Variants in GC observed in about 807,000 individuals in gnomAD.
The protein encoded by GC is GC vitamin D binding protein.
Under a neutral mutation model 56.7 loss-of-function variants are expected in GC, and 43 were observed. The observed-to-expected ratio is 0.76, with a 90% CI of 0.59 to 0.98. The LOEUF (loss-of-function observed/expected upper bound fraction) is 0.98, where lower values mean the gene tolerates loss of function less well. GC is among the 50% of genes least tolerant of loss of function. The pLI, the probability that GC is intolerant of heterozygous loss-of-function variation, is 0.00. For missense variants in GC, 529 were observed against 545.9 expected (o/e 0.97, Z 0.31); for synonymous variants, 216 against 202.7 (o/e 1.07, Z -0.56).
At chr4:71,777,645 C>T (rs1163960107) in intron 1 of GC, among the ~76,000 whole-genome samples, 1 of 149,260 alleles carries the variant, frequency 6.7e-6, no homozygotes, top group Non-Finnish European at 1.5e-5. Context: ...CATTTTAAAA[C>T]CAATTATTAC....
intron 12 of GC, among the ~76,000 whole-genome samples, chr4:71,743,089 C>A (rs1204066554): frequency 6.6e-6 from 1 of 152,098 alleles, no homozygotes; most frequent in Non-Finnish European, 1.5e-5. Flanking sequence ...ATCAAGGAGA[C>A]CAATAACTGT....
intron 6 of GC, among the ~76,000 whole-genome samples, chr4:71,762,281 T>C (rs183654124): frequency 1.4e-3 from 209 of 152,352 alleles, no homozygotes; most frequent in African/African-American, 5.0e-3. Flanking sequence ...TGAACTTGCA[T>C]GGGGCCTGTA....
chr4:71,756,096 T>C (rs909539313), intron 8 of GC, among the ~76,000 whole-genome samples: 2 of 79,148 alleles, frequency 2.5e-5, no homozygotes, highest in Non-Finnish European at 6.8e-5. Context: ...AAATGAATAT[T>C]GATAATGCTA....
At chr4:71,746,794 AACTACTTTAATTTG>A (rs1560688458) in intron 11 of GC, among the ~76,000 whole-genome samples, 1 of 151,044 alleles carries the variant, frequency 6.6e-6, no homozygotes, top group Non-Finnish European at 1.5e-5. Context: ...AAAAAAAAAA[AACTACTTTAATTTG>A]GAGGCAATGA....
At chr4:71,803,947 T>A (rs1743305980) in exon 1 of GC, 10 of 1,504,140 alleles carry the variant, frequency 6.6e-6, no homozygotes, top group Non-Finnish European at 8.9e-6. Flanking sequence ...ACCACAGCAT[T>A]TCCTACCAGT....
intron 6 of GC, among the ~76,000 whole-genome samples, chr4:71,759,178 A>G (rs1741884720): frequency 6.6e-6 from 1 of 151,986 alleles, no homozygotes; most frequent in South Asian, 2.1e-4. Context: ...GTCTTCATCC[A>G]TTCATCTGTT....
rs1240297398 is a variant in GC at position 71,775,025 on chromosome 4, C to T, written c.59-5625G>A. ...GTCATTCTTATTCTTCATTTTCTTC[C>T]CCGGCCCTTTTTTTTTTTTTTTTTA... On this transcript the variant is annotated intron_variant, in intron 1 of 12. Transcript: ENST00000273951. Among the ~76,000 whole-genome samples the T allele has an allele frequency of 2.9e-5, 3 of 102,500 alleles. No homozygotes were observed. The East Asian group carries it at 9.2e-4, about 31-fold the overall frequency. The allele number at this position is 102,500 out of a possible 152,430, so 67.2% of individuals were successfully genotyped here.
At chr4:71,773,792 T>G (rs1229333025) in intron 1 of GC, among the ~76,000 whole-genome samples, 1 of 152,060 alleles carries the variant, frequency 6.6e-6, no homozygotes, top group Non-Finnish European at 1.5e-5. Context: ...ATCATGGGCT[T>G]TAACAGCTCT....
chr4:71,791,059 A>G (rs536080812), intron 1 of GC, among the ~76,000 whole-genome samples: 54 of 152,200 alleles, frequency 3.5e-4, no homozygotes, highest in African/African-American at 1.3e-3. Context: ...ATCACTGGCC[A>G]TCAGAGAAAT....
Position 71,765,540 on chromosome 4 carries a change from C to CA in GC, c.364dup (p.Cys122LeufsTer21). The CA allele has an allele frequency of 6.2e-7, 1 of 1,613,734 alleles. No homozygotes were observed. Among genetic ancestry groups the CA allele is most frequent in the Non-Finnish European group, 8.5e-7 (1 of 1,179,762 alleles). On this transcript the variant is annotated frameshift_variant, in exon 4 of 13. Coordinates refer to ENST00000273951, the MANE Select transcript of GC (RefSeq NM_000583.4). LOFTEE classifies it high-confidence loss of function. ...TGGCTGGTGTTTCAGAGCAGCCATG[C>CA]AGAGCTTTCGTTCCAGGCCCTCTTT...
intron 1 of GC, among the ~76,000 whole-genome samples, chr4:71,789,666 G>T (rs566424691): frequency 2.2e-4 from 34 of 152,010 alleles, no homozygotes; most frequent in African/African-American, 8.2e-4. Flanking sequence ...CCTAATCCCT[G>T]CAACCTGTAA....
chr4:71,746,216 A>T lies in GC; in HGVS notation c.1396-11T>A, dbSNP rs1412160964. 8.2e-7 allele frequency: 1 copy of T among 1,219,832 alleles called. No individual in the cohort carries two copies. Among genetic ancestry groups the T allele is most frequent in the East Asian group, 2.3e-5 (1 of 42,742 alleles). 75.6% of individuals were successfully genotyped at this position (1,219,832 alleles called of 1,614,324 possible). A position where few individuals can be genotyped will look rare whatever the true frequency, so the allele number is the denominator to read the frequency against. On this transcript the variant is annotated splice_polypyrimidine_tract_variant and intron_variant, in intron 11 of 12. Transcript: ENST00000273951. ...CAATTCAGCATCAATCTGATAATGA[A>T]AAAAGAATGTTATATAACTTATGAA... is the stretch of plus-strand genomic sequence containing the variant.
intron 1 of GC, among the ~76,000 whole-genome samples, chr4:71,776,148 T>G (rs762892128): frequency 1.3e-5 from 2 of 151,938 alleles, no homozygotes; most frequent in Non-Finnish European, 2.9e-5. Context: ...ATACCACTTC[T>G]GGGTATATAT....
chr4:71,775,243 G>A (rs767585698), intron 1 of GC, among the ~76,000 whole-genome samples: 13 of 151,568 alleles, frequency 8.6e-5, no homozygotes, highest in Non-Finnish European at 1.5e-4. Context: ...TTCCATGAAG[G>A]TTCTTTCAGG....
At chr4:71,753,108 A>G (rs1331213118) in intron 10 of GC, among the ~76,000 whole-genome samples, 1 of 152,164 alleles carries the variant, frequency 6.6e-6, no homozygotes, top group Non-Finnish European at 1.5e-5. Context: ...AAACACCAAT[A>G]CAGGAGTAAG....
chr4:71,759,133 C>T (rs1248383833), intron 6 of GC, among the ~76,000 whole-genome samples: 2 of 151,960 alleles, frequency 1.3e-5, no homozygotes, highest in African/African-American at 4.8e-5. Context: ...TTTTTTCAGG[C>T]TACATAATAT....
intron 11 of GC, among the ~76,000 whole-genome samples, chr4:71,747,885 G>A (rs756433836): frequency 1.3e-5 from 2 of 152,152 alleles, no homozygotes; most frequent in African/African-American, 2.4e-5. Flanking sequence ...AAGGAAGTGA[G>A]ATGGATAAAA....
chr4:71,783,518 C>A (rs915264355), intron 1 of GC, among the ~76,000 whole-genome samples: 66 of 151,576 alleles, frequency 4.4e-4, no homozygotes, highest in Admixed American at 3.2e-3. Context: ...CTAAGGGGAT[C>A]AAAGAAATCT....
Position 71,784,068 on chromosome 4 carries a change from T to C in GC, c.-50A>G, listed in dbSNP as rs749251876. On this transcript the variant is annotated 5_prime_UTR_variant, in exon 1 of 13. It removes an upstream start codon present in the reference 5' UTR. Transcript: ENST00000273951. The stretch of plus-strand genomic sequence containing the variant: ...ACCTCCTCTCTCCTGTAGGTGACCA[T>C]GTAAAAGTGGTAGCCAAAAGTAATT... 2 of 1,564,300 alleles carry C rather than the reference T, an allele frequency of 1.3e-6. No individual in the cohort carries two copies. The highest frequency in any genetic ancestry group is 1.7e-6 in the Non-Finnish European group (2 of 1,159,232).
Sources: allele counts gnomAD v4.1 joint callset (sites outside exome capture counted in the v4.1 genomes callset), GRCh38; gene constraint gnomAD v4.1.1; transcripts MANE v1.5; gene names NCBI Gene and HGNC (gene_info 2026-07-23, HGNC 2026-07-21).